AGBL1: variants seen among roughly 807,000 people sequenced by gnomAD.
AGBL1 encodes AGBL carboxypeptidase 1, also known as cytosolic carboxypeptidase 4.
AGBL1 carries 130 observed loss-of-function variants against 118.9 expected under a neutral mutation model. That is an observed-to-expected ratio of 1.09 (90% confidence interval 0.95 to 1.26). The LOEUF (loss-of-function observed/expected upper bound fraction) is 1.26. Ranked by LOEUF, AGBL1 falls within the 50% of genes most tolerant of loss-of-function variation. AGBL1 has a pLI of 0.00. For synonymous variants in AGBL1, 555 were observed against 478.9 expected (o/e 1.16, Z -2.08); for missense variants, 1,584 against 1,298.1 (o/e 1.22, Z -3.38).
Position 86,290,959 on chromosome 15 carries a change from C to T in AGBL1, c.2221-4296C>T, listed in dbSNP as rs372594257. On this transcript the variant is annotated intron_variant, in intron 16 of 22. Transcript: ENST00000614907. ...TGCGGTGTTTGGTTTTTTGTCCTTG[C>T]GATAATTTACTGAGAATGATGATTT... Among the ~76,000 whole-genome samples the T allele has an allele frequency of 8.6e-5, 13 of 151,810 alleles. No individual in the cohort carries two copies. In the South Asian group the frequency reaches 1.0e-3, roughly 12 times the overall value.
At chr15:86,870,392 A>C (rs2141501620) in intron 22 of AGBL1, among the ~76,000 whole-genome samples, 1 of 146,576 alleles carries the variant, frequency 6.8e-6, no homozygotes, top group South Asian at 2.2e-4. Flanking sequence ...CTCAGAAATA[A>C]CATTTAAAAG....
chr15:86,900,119 G>A (rs927875734), intron 22 of AGBL1, among the ~76,000 whole-genome samples: 5 of 151,970 alleles, frequency 3.3e-5, no homozygotes, highest in South Asian at 4.2e-4. Flanking sequence ...AGGAGCTCTC[G>A]GGCCTTCAGC....
intron 1 of AGBL1, among the ~76,000 whole-genome samples, chr15:86,091,270 A>G (rs955186985): frequency 6.6e-6 from 1 of 152,198 alleles, no homozygotes; most frequent in Non-Finnish European, 1.5e-5. Context: ...TCAGAATTTT[A>G]TCAGCAGACG....
At chr15:86,887,034 GTGAGAAGGTTT>G (rs1270854763) in intron 22 of AGBL1, among the ~76,000 whole-genome samples, 1 of 152,180 alleles carries the variant, frequency 6.6e-6, no homozygotes, top group Non-Finnish European at 1.5e-5. Context: ...AGTTCCCACA[GTGAGAAGGTTT>G]TGCTCATAAT....
chr15:86,348,001 AGCCATTCTTCACAAG>A (rs1445917005), intron 17 of AGBL1, among the ~76,000 whole-genome samples: 12 of 152,176 alleles, frequency 7.9e-5, no homozygotes, highest in Non-Finnish European at 1.8e-4. Flanking sequence ...GCTGGGTAAG[AGCCATTCTTCACAAG>A]GTGACAGGGA....
At chr15:86,090,722 A>G (rs545232816) in intron 1 of AGBL1, among the ~76,000 whole-genome samples, 7 of 152,298 alleles carry the variant, frequency 4.6e-5, no homozygotes, top group African/African-American at 1.7e-4. Context: ...AGTGAAATTT[A>G]CCAAACTTTT....
At chr15:86,705,783 A>G (rs915773829) in intron 22 of AGBL1, among the ~76,000 whole-genome samples, 5 of 152,270 alleles carry the variant, frequency 3.3e-5, no homozygotes, top group African/African-American at 1.2e-4. Flanking sequence ...ATTCTCACAG[A>G]GCACATCAAG....
intron 21 of AGBL1, among the ~76,000 whole-genome samples, chr15:86,579,888 T>A (rs552631665): frequency 6.6e-6 from 1 of 152,286 alleles, no homozygotes; most frequent in East Asian, 1.9e-4. Context: ...GAAAAGCCTA[T>A]GATGACTCCC....
intron 18 of AGBL1, among the ~76,000 whole-genome samples, chr15:86,512,626 G>C (rs1404633756): frequency 6.6e-6 from 1 of 151,358 alleles, no homozygotes; most frequent in Admixed American, 6.6e-5. Context: ...TATTTCTTTT[G>C]ATCCTTGGCT....
chr15:86,576,924 C>T (rs1196536851), intron 21 of AGBL1, among the ~76,000 whole-genome samples: 2 of 152,178 alleles, frequency 1.3e-5, no homozygotes, highest in African/African-American at 4.8e-5. Flanking sequence ...TCCAATAAAC[C>T]TCTTTCTTTT....
chr15:86,987,087 C>G (rs541763745), intron 23 of AGBL1, among the ~76,000 whole-genome samples: 2 of 152,234 alleles, frequency 1.3e-5, no homozygotes, highest in African/African-American at 4.8e-5. Context: ...TCAGTTAAGG[C>G]AAGGACCGGC....
chr15:86,571,655 T>C lies in AGBL1; in HGVS notation c.2994+17118T>C, dbSNP rs188826787. On this transcript the variant is annotated intron_variant, in intron 21 of 22. Coordinates refer to ENST00000614907, the MANE Select transcript of AGBL1 (RefSeq NM_001386094.1). ...GCTGGTCATCCCTTCATCTCCCCCT[T>C]GTTTCCTATCCTCTCTGTCCTCTGC... Among the ~76,000 whole-genome samples, 380 of 152,276 alleles carry C rather than the reference T, an allele frequency of 2.5e-3. 2 individuals carry two copies. Among genetic ancestry groups the C allele is most frequent in the African/African-American group, 8.5e-3 (354 of 41,572 alleles).
downstream of AGBL1, among the ~76,000 whole-genome samples, chr15:86,918,102 A>G (rs780792238): frequency 2.0e-5 from 3 of 152,194 alleles, no homozygotes; most frequent in Non-Finnish European, 4.4e-5. Context: ...CATTTCTAGG[A>G]AATTACAGAT....
chr15:86,410,835 TATATATAATATA>T (rs2081601245), intron 18 of AGBL1, among the ~76,000 whole-genome samples: 2 of 102,614 alleles, frequency 1.9e-5, no homozygotes, highest in African/African-American at 8.6e-5. Flanking sequence ...TATATATATA[TATATATAATATA>T]CTATTTTATA....
At chr15:86,754,475 G>C (rs984899590) in intron 22 of AGBL1, among the ~76,000 whole-genome samples, 3 of 152,068 alleles carry the variant, frequency 2.0e-5, no homozygotes, top group African/African-American at 4.8e-5. Flanking sequence ...TAAGGATTGA[G>C]AGTTGTGCAT....
At chr15:86,554,330 A>T in intron 20 of AGBL1, 31 bp from the exon 21 acceptor site, 1 of 1,515,870 alleles carries the variant, frequency 6.6e-7, no homozygotes, top group Non-Finnish European at 8.9e-7. Context: ...ACCCACAACT[A>T]ATCATCGTTT....
At position 86,762,288 on chromosome 15, in the gene AGBL1, G is replaced by A. The variant is rs191320183; in HGVS notation, c.3158+87852G>A. Among the ~76,000 whole-genome samples the A allele has an allele frequency of 2.3e-3, 355 of 151,996 alleles. 1 individual carries two copies. The highest frequency in any genetic ancestry group is 7.8e-3 in the African/African-American group (323 of 41,492). ...TGCTGGGCTTAATACCTAGGTGACA[G>A]GTTGACAGGTGCAGTAAACCACCAT... On this transcript the variant is annotated intron_variant, in intron 22 of 22. Coordinates refer to ENST00000614907, the MANE Select transcript of AGBL1 (RefSeq NM_001386094.1).
intron 6 of AGBL1, among the ~76,000 whole-genome samples, chr15:86,229,006 C>T (rs562340125): frequency 1.6e-4 from 25 of 152,310 alleles, no homozygotes; most frequent in African/African-American, 5.3e-4. Context: ...CTCTCACATG[C>T]ACAAATCCCA....
At chr15:86,938,637 A>C (rs1327771220) in intron 23 of AGBL1, among the ~76,000 whole-genome samples, 1 of 152,122 alleles carries the variant, frequency 6.6e-6, no homozygotes, top group South Asian at 2.1e-4. Flanking sequence ...TCAAGCCAAT[A>C]TCTCTCTCTC....
Sources: gnomAD v4.1 joint callset for allele counts (sites outside exome capture counted in the v4.1 genomes callset) on GRCh38, gnomAD v4.1.1 for gene constraint, MANE v1.5 for transcripts, NCBI Gene and HGNC (gene_info 2026-07-23, HGNC 2026-07-21) for gene names.